The following RAB27A variants were observed in gnomAD, a reference collection of about 807,000 sequenced individuals.
The protein encoded by RAB27A is RAB27A, member RAS oncogene family, also known as ras-related protein Rab-27A.
A neutral mutation model predicts 20.8 loss-of-function variants in RAB27A; 17 were observed. The ratio of observed to expected loss-of-function variants is 0.82; its 90% CI spans 0.56 to 1.23. The LOEUF is 1.23. RAB27A is among the 50% of genes most tolerant of loss of function. The probability of loss-of-function intolerance (pLI) is 0.00; values close to 1 mark genes in which losing one functional copy is unlikely to be tolerated. For missense variants in RAB27A, 277 were observed against 266.7 expected (o/e 1.04, Z -0.27); for synonymous variants, 85 against 92.8 (o/e 0.92, Z 0.48).
In RAB27A at chr15:55,210,208, C is replaced by CATATAT. The variant is rs1339181588; in HGVS notation, c.468-4504_468-4503insATATAT. Among the ~76,000 whole-genome samples the CATATAT allele has an allele frequency of 5.3e-4, 46 of 87,288 alleles. 1 individual carries two copies. Among genetic ancestry groups the CATATAT allele is most frequent in the African/African-American group, 3.2e-3 (40 of 12,696 alleles). The allele number at this position is 87,288 out of a possible 152,430, so 57.3% of individuals were successfully genotyped here. On this transcript the variant is annotated intron_variant, in intron 6 of 6. Transcript: ENST00000336787. ...ATATGTATGTGTGTATACATACACA[C>CATATAT]ATGTATGTGTATGTATATATACACA... is the stretch of plus-strand genomic sequence containing the variant.
At chr15:55,273,935 G>T (rs986034605) in intron 1 of RAB27A, among the ~76,000 whole-genome samples, 1 of 152,158 alleles carries the variant, frequency 6.6e-6, no homozygotes, top group Non-Finnish European at 1.5e-5. Context: ...TCCAACTAGA[G>T]GAGAATATAC....
intron 2 of RAB27A, among the ~76,000 whole-genome samples, chr15:55,256,125 G>A (rs1897069899): frequency 6.6e-6 from 1 of 152,142 alleles, no homozygotes; most frequent in South Asian, 2.1e-4. Context: ...CAGAAAAGGG[G>A]AGCAATCTGT....
upstream of RAB27A, chr15:55,290,145 A>G (rs1156507137): frequency 6.6e-6 from 1 of 151,270 alleles, no homozygotes; most frequent in East Asian, 2.0e-4. Flanking sequence ...TCGTTTGGGG[A>G]CTCTCCCCTA....
intron 2 of RAB27A, among the ~76,000 whole-genome samples, chr15:55,238,956 C>A (rs999698239): frequency 4.6e-5 from 7 of 152,130 alleles, no homozygotes; most frequent in African/African-American, 1.4e-4. Flanking sequence ...AGAGGTTCTC[C>A]TACAAAACTT....
At chr15:55,220,991 C>G (rs1418742216) in intron 6 of RAB27A, among the ~76,000 whole-genome samples, 3 of 152,146 alleles carry the variant, frequency 2.0e-5, no homozygotes, top group African/African-American at 2.4e-5. Context: ...TAACCCAATT[C>G]AAAAACTATA....
At chr15:55,264,685 G>A (rs1178437880) in intron 2 of RAB27A, among the ~76,000 whole-genome samples, 2 of 152,154 alleles carry the variant, frequency 1.3e-5, no homozygotes, top group Non-Finnish European at 2.9e-5. Flanking sequence ...TTTAAATGAG[G>A]TTTGATAAGT....
chr15:55,209,731 C>CAT (rs1894828255), intron 6 of RAB27A, among the ~76,000 whole-genome samples: 1 of 146,638 alleles, frequency 6.8e-6, no homozygotes, highest in African/African-American at 2.6e-5. Context: ...TATATATACA[C>CAT]ATATATATAC....
Position 55,228,687 on chromosome 15 carries a change from A to C in RAB27A, c.265T>G (p.Phe89Val), listed in dbSNP as rs905528188. Reference sequence around the variant, plus strand: ...AGAAGAAAACCCATAGCATCTCTGAAGAACGCTGTCGTTAAGCTACGAAAC... The same window carrying C: ...AGAAGAAAACCCATAGCATCTCTGACGAACGCTGTCGTTAAGCTACGAAAC... ...ERFRSLTTAF[F>V]RDAMGFLLLF... The change falls in exon 5 of 7, where the codon TTC becomes GTC. Residue 89 changes from phenylalanine to valine, a missense_variant. Phe to Val is a conservative substitution (Grantham distance 50). Coordinates refer to ENST00000336787, the MANE Select transcript of RAB27A (RefSeq NM_183235.3). 1 of 1,613,808 alleles carries C rather than the reference A, an allele frequency of 6.2e-7. No individual in the cohort carries two copies. The highest frequency in any genetic ancestry group is 1.1e-5 in the South Asian group (1 of 91,082).
At chr15:55,218,389 A>G (rs1438996911) in intron 6 of RAB27A, among the ~76,000 whole-genome samples, 8 of 152,232 alleles carry the variant, frequency 5.3e-5, no homozygotes, top group South Asian at 2.1e-4. Flanking sequence ...AACATGCCCA[A>G]TGCTACATCG....
Position 55,266,777 on chromosome 15 carries a change from G to T in RAB27A, c.-23+3388C>A, listed in dbSNP as rs571593289. On this transcript the variant is annotated intron_variant, in intron 2 of 6. Coordinates refer to ENST00000336787, the MANE Select transcript of RAB27A (RefSeq NM_183235.3). ...CAGCCAGAAATGGCAGAACCAAGAT[G>T]TGATCTCAGACACACTCTCAACTAC... Among the ~76,000 whole-genome samples, 33 of 152,318 alleles carry T rather than the reference G, an allele frequency of 2.2e-4. 1 individual carries two copies. In the East Asian group the frequency reaches 6.0e-3, roughly 28 times the overall value.
At chr15:55,292,353 C>G (rs1194451555), upstream of RAB27A, among the ~76,000 whole-genome samples, 2 of 152,208 alleles carry the variant, frequency 1.3e-5, no homozygotes, top group Non-Finnish European at 2.9e-5. Flanking sequence ...GATCATGCAG[C>G]TAATAAGTGG....
intron 3 of RAB27A, among the ~76,000 whole-genome samples, chr15:55,233,422 G>T (rs1052910177): frequency 6.6e-6 from 1 of 152,000 alleles, no homozygotes. Flanking sequence ...AATAGAAAAA[G>T]AAACAACAGT....
chr15:55,252,041 C>A (rs997926974), intron 2 of RAB27A, among the ~76,000 whole-genome samples: 2 of 152,016 alleles, frequency 1.3e-5, no homozygotes, highest in Non-Finnish European at 2.9e-5. Context: ...GACAGGTGTT[C>A]AAAGTCATAC....
chr15:55,316,234 C>CAAA (rs1186678422), intron 1 of RAB27A, among the ~76,000 whole-genome samples: 1 of 53,908 alleles, frequency 1.9e-5, no homozygotes, highest in African/African-American at 6.2e-5. Context: ...GACTCCGTCT[C>CAAA]AAAAAAAAAA....
chr15:55,299,081 TA>T (rs2054960951), intron 2 of RAB27A, among the ~76,000 whole-genome samples: 1 of 152,190 alleles, frequency 6.6e-6, no homozygotes, highest in East Asian at 1.9e-4. Context: ...ATTAAGAGAT[TA>T]AAGTAAAGAC....
intron 1 of RAB27A, among the ~76,000 whole-genome samples, chr15:55,276,377 A>T (rs1566933500): frequency 6.6e-6 from 1 of 152,212 alleles, no homozygotes; most frequent in Non-Finnish European, 1.5e-5. Context: ...GAAAAATACT[A>T]TGTGATCTCC....
intron 5 of RAB27A, among the ~76,000 whole-genome samples, chr15:55,226,429 C>A (rs1895797852): frequency 6.6e-6 from 1 of 152,168 alleles, no homozygotes; most frequent in Non-Finnish European, 1.5e-5. Flanking sequence ...TCTCCTCTCC[C>A]AGGCCAATCA....
intron 1 of RAB27A, among the ~76,000 whole-genome samples, chr15:55,271,179 T>C (rs1897694907): frequency 6.6e-6 from 1 of 152,204 alleles, no homozygotes; most frequent in Non-Finnish European, 1.5e-5. Context: ...CACTCTCCTG[T>C]TAATGGCTCC....
chr15:55,230,325 C>T, intron 4 of RAB27A, 76 bp downstream of exon 4: 1 of 1,392,126 alleles, frequency 7.2e-7, no homozygotes, highest in South Asian at 1.2e-5. Context: ...CTTTTTCCTG[C>T]TCAGGTCACT....
Sources: gnomAD v4.1 joint callset for allele counts (sites outside exome capture counted in the v4.1 genomes callset) on GRCh38, gnomAD v4.1.1 for gene constraint, MANE v1.5 for transcripts, NCBI Gene and HGNC (gene_info 2026-07-23, HGNC 2026-07-21) for gene names.